Variants in CENPP observed in about 807,000 individuals in gnomAD.
The protein encoded by CENPP is centromere protein P.
In CENPP, 24 loss-of-function variants were observed where a neutral mutation model predicts 35.6. That is an observed-to-expected ratio of 0.67 (90% confidence interval 0.49 to 0.95). CENPP has a LOEUF of 0.95. Ranked by LOEUF, CENPP falls within the 40% of genes least tolerant of loss-of-function variation. The pLI, the probability that CENPP is intolerant of heterozygous loss-of-function variation, is 0.00. For synonymous variants in CENPP, 120 were observed against 125.5 expected, an observed-to-expected ratio of 0.96 and a Z score of 0.29; for missense variants, 332 against 345.3, an observed-to-expected ratio of 0.96 and a Z score of 0.31.
intron 5 of CENPP, among the ~76,000 whole-genome samples, chr9:92,444,584 A>T (rs1397581190): frequency 6.6e-6 from 1 of 152,012 alleles, no homozygotes; most frequent in Non-Finnish European, 1.5e-5. Context: ...ATGAGTATTT[A>T]TGTCTGTTTT....
intron 5 of CENPP, chr9:92,502,708 TTTCA>T: frequency 7.2e-7 from 1 of 1,379,982 alleles, no homozygotes; most frequent in Non-Finnish European, 9.9e-7. Flanking sequence ...ATACGTTCAA[TTTCA>T]TGGAGACTAA....
At chr9:92,581,683 G>C (rs1025922817) in intron 5 of CENPP, among the ~76,000 whole-genome samples, 1 of 152,170 alleles carries the variant, frequency 6.6e-6, no homozygotes, top group Non-Finnish European at 1.5e-5. Flanking sequence ...ACACATTTTA[G>C]AATGAAAGGA....
chr9:92,418,243 C>T (rs745791345), intron 5 of CENPP, among the ~76,000 whole-genome samples: 1 of 151,924 alleles, frequency 6.6e-6, no homozygotes, highest in South Asian at 2.1e-4. Flanking sequence ...CGTGCCACCA[C>T]GCTTGGCTAA....
rs2131403807 is a variant in CENPP, at chr9:92,613,029, G to T, written c.747G>T (p.Leu249=). Residue 249 remains leucine, a synonymous_variant, in exon 8 of 8, where the codon CTG becomes CTT. Transcript: ENST00000375587. ...ATGTTTTCTTTATAGCCCTGGAGCT[G>T]GACAAGAACAGAGCCATAGAAACTG... ...LTKVPQRALE[L]DKNRAIETAP... 6.2e-7 allele frequency: 1 copy of T among 1,614,132 alleles called. No individual in the cohort carries two copies. The highest frequency in any genetic ancestry group is 8.5e-7 in the Non-Finnish European group (1 of 1,179,998).
chr9:92,424,693 G>T (rs374714051), intron 5 of CENPP, among the ~76,000 whole-genome samples: 59 of 152,212 alleles, frequency 3.9e-4, no homozygotes, highest in African/African-American at 1.4e-3. Flanking sequence ...TTAATTTTTT[G>T]AGATGGAGTC....
At chr9:92,509,371 T>C (rs576019057) in intron 5 of CENPP, among the ~76,000 whole-genome samples, 2 of 152,364 alleles carry the variant, frequency 1.3e-5, no homozygotes, top group Middle Eastern at 3.4e-3. Flanking sequence ...CATTTATTCA[T>C]ATTCCATGCA....
chr9:92,541,383 C>G lies in CENPP; in HGVS notation c.565-69931C>G, dbSNP rs549000281. On this transcript the variant is annotated intron_variant, in intron 5 of 7. Transcript: ENST00000375587. The stretch of plus-strand genomic sequence containing the variant: ...TCACTAGCCTCTGGTAACCACTATT[C>G]TACTGCAACCTCCACTGCCACCCCC... Among the ~76,000 whole-genome samples, 3 of 151,478 alleles carry G rather than the reference C, an allele frequency of 2.0e-5. No individual in the cohort carries two copies. The South Asian group carries it at 6.3e-4, about 32-fold the overall frequency.
At position 92,593,294 on chromosome 9, in the gene CENPP, G is replaced by C. The variant is rs1850706800; in HGVS notation, c.565-18020G>C. ...GACAAAGAAAAACAGACTTCTGACA[G>C]ACCACCGTGGCATCACACACAGGAG... On this transcript the variant is annotated intron_variant, in intron 5 of 7. Coordinates refer to ENST00000375587, the MANE Select transcript of CENPP (RefSeq NM_001012267.3). This position sits in a 1 kb window ranked among gnomAD's most constrained non-coding sequence, Gnocchi z 4.1. Among the ~76,000 whole-genome samples the C allele has an allele frequency of 6.6e-6, 1 of 152,240 alleles. No homozygotes were observed. The highest frequency in any genetic ancestry group is 2.4e-5 in the African/African-American group (1 of 41,468).
rs542984694 is a variant in CENPP at position 92,412,278 on chromosome 9, G to A, written c.564+32419G>A. The stretch of plus-strand genomic sequence containing the variant: ...ATTTTTAATTTTTTTGTAGAGACAG[G>A]GTTTCACTGTGTTGCCTAGGCCAGT... On this transcript the variant is annotated intron_variant, in intron 5 of 7. Transcript: ENST00000375587. 2.0e-5 allele frequency among the ~76,000 whole-genome samples: 3 copies of A among 152,014 alleles called. No individual in the cohort carries two copies. The South Asian group carries it at 6.2e-4, about 32-fold the overall frequency.
chr9:92,565,220 C>T (rs1849935999), intron 5 of CENPP, among the ~76,000 whole-genome samples: 1 of 140,118 alleles, frequency 7.1e-6, no homozygotes. Context: ...TTTTGGCTTC[C>T]CTGAGTCACA....
intron 3 of CENPP, among the ~76,000 whole-genome samples, chr9:92,338,148 C>T (rs984499883): frequency 2.6e-5 from 4 of 151,714 alleles, no homozygotes; most frequent in Admixed American, 1.3e-4. Flanking sequence ...CCTGTCTCTA[C>T]AAAAAAATAA....
rs1158310201 is a variant in CENPP at position 92,618,221 on chromosome 9, T to G, written c.*5072T>G. 7 of 456,406 alleles carry G rather than the reference T, an allele frequency of 1.5e-5. No individual in the cohort carries two copies. Among genetic ancestry groups the G allele is most frequent in the Non-Finnish European group, 2.6e-5 (6 of 226,932 alleles). 28.3% of individuals were successfully genotyped at this position (456,406 alleles called of 1,614,324 possible). On this transcript the variant is annotated 3_prime_UTR_variant, in exon 8 of 8. Coordinates refer to ENST00000375587, the MANE Select transcript of CENPP (RefSeq NM_001012267.3). ...TTTGTTGAGAAAGGCCTGGCTAGAG[T>G]GCTTTGTGCAGGATGGTTCCAGTGC... is the stretch of plus-strand genomic sequence containing the variant.
intron 5 of CENPP, among the ~76,000 whole-genome samples, chr9:92,521,657 A>G (rs1848078122): frequency 6.6e-6 from 1 of 152,180 alleles, no homozygotes; most frequent in Non-Finnish European, 1.5e-5. Flanking sequence ...AAACCATTTA[A>G]TACGTTTTTA....
intron 5 of CENPP, chr9:92,496,432 A>G (rs545396916): frequency 6.2e-7 from 1 of 1,609,280 alleles, no homozygotes; most frequent in African/African-American, 1.3e-5. Flanking sequence ...GATGTTCCAG[A>G]TTTGAGTCAT....
chr9:92,518,461 A>T (rs1480312860), intron 5 of CENPP, among the ~76,000 whole-genome samples: 1 of 152,164 alleles, frequency 6.6e-6, no homozygotes, highest in East Asian at 1.9e-4. Context: ...CTCACAGCCC[A>T]CCCTTGATAT....
At chr9:92,547,032 G>A (rs1039423775) in intron 5 of CENPP, among the ~76,000 whole-genome samples, 42 of 152,120 alleles carry the variant, frequency 2.8e-4, no homozygotes, top group African/African-American at 4.3e-4. Context: ...TTTAAAATAC[G>A]TATATATTAG....
chr9:92,529,774 A>C (rs1848635279), intron 5 of CENPP, among the ~76,000 whole-genome samples: 1 of 152,188 alleles, frequency 6.6e-6, no homozygotes, highest in Admixed American at 6.6e-5. Flanking sequence ...TATGCAAGCT[A>C]TAAAAGAATA....
At chr9:92,397,030 A>C (rs1263343765) in intron 5 of CENPP, among the ~76,000 whole-genome samples, 2 of 151,552 alleles carry the variant, frequency 1.3e-5, no homozygotes, top group East Asian at 4.0e-4. Flanking sequence ...TACAAAAATT[A>C]GCCAGGTGTG....
At chr9:92,390,067 A>G (rs780874696) in intron 5 of CENPP, 3 of 1,454,592 alleles carry the variant, frequency 2.1e-6, no homozygotes, top group Non-Finnish European at 1.9e-6. Context: ...CTAGAGGGAA[A>G]AAAATATAAA....
Sources: gnomAD v4.1 joint callset for allele counts (sites outside exome capture counted in the v4.1 genomes callset) on GRCh38, gnomAD v4.1.1 for gene constraint, Gnocchi (gnomAD v3.1) non-coding constraint, MANE v1.5 for transcripts, NCBI Gene and HGNC (gene_info 2026-07-23, HGNC 2026-07-21) for gene names.